The following SEMA6D variants were observed in gnomAD, a reference collection of about 807,000 sequenced individuals.
The protein encoded by SEMA6D is semaphorin 6D.
SEMA6D carries 35 observed loss-of-function variants against 106.6 expected under a neutral mutation model. The observed-to-expected ratio is 0.33, with a 90% confidence interval of 0.25 to 0.44. SEMA6D has a LOEUF of 0.44. Ranked by LOEUF, SEMA6D falls within the 20% of genes least tolerant of loss-of-function variation. The pLI, the probability that SEMA6D is intolerant of heterozygous loss-of-function variation, is 1.00. For missense variants in SEMA6D, 1,185 were observed against 1,345.9 expected, an observed-to-expected ratio of 0.88 and a Z score of 1.87; for synonymous variants, 499 against 487.7, an observed-to-expected ratio of 1.02 and a Z score of -0.31.
intron 3 of SEMA6D, among the ~76,000 whole-genome samples, chr15:47,490,570 A>G (rs1215040359): frequency 6.6e-6 from 1 of 152,122 alleles, no homozygotes; most frequent in Non-Finnish European, 1.5e-5. Context: ...ACTGGAACCC[A>G]GGAGGTGGAG....
At chr15:47,752,489 CCAGTGAAGAG>C (rs2081494603) in intron 1 of SEMA6D, among the ~76,000 whole-genome samples, 1 of 152,020 alleles carries the variant, frequency 6.6e-6, no homozygotes, top group Admixed American at 6.6e-5. Flanking sequence ...TCTTTCAGTG[CCAGTGAAGAG>C]CAGTGAAGAC....
At chr15:47,463,754 CTCCCAGTTCTG>C (rs1421384606) in intron 2 of SEMA6D, among the ~76,000 whole-genome samples, 1 of 152,178 alleles carries the variant, frequency 6.6e-6, no homozygotes, top group Non-Finnish European at 1.5e-5. Flanking sequence ...ACTTTATTCT[CTCCCAGTTCTG>C]GAGGCCAGAA....
chr15:47,450,903 A>G (rs2042170635), intron 2 of SEMA6D, among the ~76,000 whole-genome samples: 1 of 152,080 alleles, frequency 6.6e-6, no homozygotes, highest in Non-Finnish European at 1.5e-5. Flanking sequence ...TTGATTCTCA[A>G]CAGGCCACAC....
chr15:47,624,002 C>T (rs1479545958), intron 4 of SEMA6D, among the ~76,000 whole-genome samples: 6 of 152,170 alleles, frequency 3.9e-5, no homozygotes, highest in Admixed American at 3.9e-4. Context: ...TGACAAAACT[C>T]CCCGTGAGCT....
rs192016536 is a variant in SEMA6D at position 47,226,774 on chromosome 15, T to C, written c.-239+42356T>C. Among the ~76,000 whole-genome samples the C allele has an allele frequency of 3.8e-3, 573 of 152,222 alleles. 6 individuals are homozygous for C. Among genetic ancestry groups the C allele is most frequent in the African/African-American group, 0.013 (546 of 41,574 alleles). On this transcript the variant is annotated intron_variant, in intron 1 of 19. Transcript: ENST00000558014. Reference sequence around the variant, plus strand: ...CAAAAAAAACAAGATAAGCATGGTCTGGCTCTTCAGCTGTAGACTTTGCCC... The same window carrying C: ...CAAAAAAAACAAGATAAGCATGGTCCGGCTCTTCAGCTGTAGACTTTGCCC...
intron 1 of SEMA6D, among the ~76,000 whole-genome samples, chr15:47,363,167 T>C (rs2038876889): frequency 6.6e-6 from 1 of 152,186 alleles, no homozygotes; most frequent in Admixed American, 6.5e-5. Context: ...TATTCTCTTT[T>C]ACAAATGAAG....
intron 1 of SEMA6D, among the ~76,000 whole-genome samples, chr15:47,335,914 C>T (rs770844162): frequency 1.1e-4 from 16 of 152,086 alleles, no homozygotes; most frequent in Non-Finnish European, 1.6e-4. Context: ...GTGATGTTCC[C>T]CCAGCATAAA....
intron 1 of SEMA6D, among the ~76,000 whole-genome samples, chr15:47,735,299 A>G (rs1166756415): frequency 6.6e-6 from 1 of 152,212 alleles, no homozygotes; most frequent in Admixed American, 6.5e-5. Flanking sequence ...CGGTATAGTC[A>G]TCATGGCCCA....
intron 1 of SEMA6D, among the ~76,000 whole-genome samples, chr15:47,185,368 G>C (rs766244130): frequency 6.6e-6 from 1 of 152,152 alleles, no homozygotes; most frequent in African/African-American, 2.4e-5. Flanking sequence ...AACAGGGCAC[G>C]GTATTTCCCC....
intron 1 of SEMA6D, among the ~76,000 whole-genome samples, chr15:47,193,637 T>A (rs1181097224): frequency 6.6e-6 from 1 of 152,198 alleles, no homozygotes; most frequent in Non-Finnish European, 1.5e-5. Context: ...CTCTGCTTCC[T>A]TGGTATTTCT....
intron 4 of SEMA6D, among the ~76,000 whole-genome samples, chr15:47,628,953 T>G (rs554630666): frequency 3.3e-5 from 5 of 152,180 alleles, no homozygotes; most frequent in African/African-American, 1.2e-4. Context: ...TTACTTAGCC[T>G]ATGGATGCCT....
chr15:47,681,754 G>A (rs1463235154), intron 4 of SEMA6D, among the ~76,000 whole-genome samples: 1 of 152,158 alleles, frequency 6.6e-6, no homozygotes, highest in Non-Finnish European at 1.5e-5. Context: ...GTGGTGATAT[G>A]AGGTTGAATT....
intron 4 of SEMA6D, among the ~76,000 whole-genome samples, chr15:47,709,420 C>T (rs991731099): frequency 3.9e-5 from 6 of 152,124 alleles, no homozygotes; most frequent in South Asian, 4.1e-4. Flanking sequence ...TTCCCTGCCA[C>T]GACTCTAAAT....
At chr15:47,194,078 G>A (rs1894164818) in intron 1 of SEMA6D, among the ~76,000 whole-genome samples, 1 of 151,326 alleles carries the variant, frequency 6.6e-6, no homozygotes, top group Admixed American at 6.6e-5. Context: ...TGGATGGATG[G>A]GTGGATGGGT....
intron 1 of SEMA6D, chr15:47,730,263 T>A (rs1278014275): frequency 1.3e-6 from 2 of 1,542,096 alleles, no homozygotes; most frequent in South Asian, 2.2e-5. Flanking sequence ...TATCTGTCGT[T>A]GTAATTGGTC....
At chr15:47,580,975 C>T (rs9646181) in intron 3 of SEMA6D, among the ~76,000 whole-genome samples, 63,790 of 151,968 alleles carry the variant, frequency 0.42, 14,982 homozygotes, top group South Asian at 0.53. Context: ...GATCTACCAG[C>T]TTCCTCAGTT....
At chr15:47,643,830 A>T (rs1271854598) in intron 4 of SEMA6D, among the ~76,000 whole-genome samples, 13 of 152,214 alleles carry the variant, frequency 8.5e-5, no homozygotes, top group Admixed American at 7.9e-4. Flanking sequence ...TAGTCACTAT[A>T]CAGTGCTATA....
intron 1 of SEMA6D, among the ~76,000 whole-genome samples, chr15:47,724,188 A>G (rs2146418430): frequency 6.6e-6 from 1 of 152,374 alleles, no homozygotes; most frequent in South Asian, 2.1e-4. Flanking sequence ...TAAAAGCTAC[A>G]GAGGGAGAAG....
At chr15:47,539,263 A>T (rs1303018434) in intron 3 of SEMA6D, among the ~76,000 whole-genome samples, 1 of 152,218 alleles carries the variant, frequency 6.6e-6, no homozygotes, top group East Asian at 1.9e-4. Flanking sequence ...GTTGCTAGCT[A>T]ACATATCCTG....
Sources: allele counts gnomAD v4.1 joint callset (sites outside exome capture counted in the v4.1 genomes callset), GRCh38; gene constraint gnomAD v4.1.1; transcripts MANE v1.5; gene names NCBI Gene and HGNC (gene_info 2026-07-23, HGNC 2026-07-21).